The following ARHGAP44 variants were observed in gnomAD, a reference collection of about 807,000 sequenced individuals.
ARHGAP44 encodes the protein rho GTPase-activating protein 44.
A neutral mutation model predicts 106.8 loss-of-function variants in ARHGAP44; 43 were observed. The observed-to-expected ratio is 0.40, with a 90% confidence interval of 0.32 to 0.52. The LOEUF (loss-of-function observed/expected upper bound fraction) is 0.52, where lower values mean the gene tolerates loss of function less well. ARHGAP44 is among the 20% of genes least tolerant of loss of function. The probability of loss-of-function intolerance (pLI) is 0.48; values close to 1 mark genes in which losing one functional copy is unlikely to be tolerated. For synonymous variants in ARHGAP44, 439 were observed against 410.3 expected (o/e 1.07, Z -0.85); for missense variants, 866 against 1,050.5 (o/e 0.82, Z 2.43).
intron 1 of ARHGAP44, among the ~76,000 whole-genome samples, chr17:12,818,763 G>T (rs2034676050): frequency 6.6e-6 from 1 of 152,008 alleles, no homozygotes; most frequent in African/African-American, 2.4e-5. Flanking sequence ...AAACACTGTT[G>T]AAAGACATTT....
At chr17:12,972,695 T>C (rs1462627101) in intron 16 of ARHGAP44, among the ~76,000 whole-genome samples, 1 of 150,084 alleles carries the variant, frequency 6.7e-6, no homozygotes, top group African/African-American at 2.4e-5. Flanking sequence ...GGAGTCTCAC[T>C]CTGTCACCCA....
chr17:12,822,915 G>A (rs115593690), intron 1 of ARHGAP44, among the ~76,000 whole-genome samples: 469 of 152,282 alleles, frequency 3.1e-3, no homozygotes, highest in African/African-American at 0.01. Context: ...CCTAGGCAGA[G>A]CTCTCTCCTT....
chr17:12,965,968 C>T (rs1271861780), intron 16 of ARHGAP44, among the ~76,000 whole-genome samples: 1 of 151,986 alleles, frequency 6.6e-6, no homozygotes, highest in East Asian at 1.9e-4. Flanking sequence ...ATCTGAGCAA[C>T]CCAGTGAGAC....
intron 16 of ARHGAP44, among the ~76,000 whole-genome samples, chr17:12,961,623 A>C (rs2042475325): frequency 6.6e-6 from 1 of 152,096 alleles, no homozygotes; most frequent in African/African-American, 2.4e-5. Flanking sequence ...AATCCCAGCT[A>C]CTCGGAAGGC....
chr17:12,889,680 C>T (rs537919929), intron 1 of ARHGAP44, among the ~76,000 whole-genome samples: 2 of 152,172 alleles, frequency 1.3e-5, no homozygotes, highest in African/African-American at 4.8e-5. Flanking sequence ...AGAATCTTAA[C>T]TGGTTCCAAT....
At chr17:12,867,320 C>A (rs1040324483) in intron 1 of ARHGAP44, among the ~76,000 whole-genome samples, 2 of 152,070 alleles carry the variant, frequency 1.3e-5, no homozygotes, top group Non-Finnish European at 2.9e-5. Context: ...GAGCAGCCTT[C>A]CAAGCAAGCT....
At chr17:12,923,099 GCATTGTTTT>G (rs1368540723) in intron 6 of ARHGAP44, among the ~76,000 whole-genome samples, 1 of 152,102 alleles carries the variant, frequency 6.6e-6, no homozygotes, top group Non-Finnish European at 1.5e-5. Context: ...AGTCTTGTTT[GCATTGTTTT>G]CATATAAACT....
At chr17:12,828,976 C>G (rs2035008869) in intron 1 of ARHGAP44, among the ~76,000 whole-genome samples, 1 of 152,064 alleles carries the variant, frequency 6.6e-6, no homozygotes, top group South Asian at 2.1e-4. Flanking sequence ...ATATCACATT[C>G]ATAAAAATTG....
intron 12 of ARHGAP44, among the ~76,000 whole-genome samples, chr17:12,951,663 T>G (rs962664923): frequency 1.3e-5 from 2 of 152,136 alleles, no homozygotes; most frequent in African/African-American, 2.4e-5. Context: ...GTCAGTGTCT[T>G]TGAACCAGGG....
chr17:12,872,714 T>C (rs1017559448), intron 1 of ARHGAP44, among the ~76,000 whole-genome samples: 3 of 152,182 alleles, frequency 2.0e-5, no homozygotes, highest in African/African-American at 7.2e-5. Context: ...GACCTTTCAG[T>C]TTGAGGACTT....
chr17:12,874,210 A>T (rs2150887669), intron 1 of ARHGAP44, among the ~76,000 whole-genome samples: 1 of 152,352 alleles, frequency 6.6e-6, no homozygotes, highest in Non-Finnish European at 1.5e-5. Context: ...AATCATTTTT[A>T]TTAGGAAAGC....
intron 6 of ARHGAP44, among the ~76,000 whole-genome samples, chr17:12,927,889 C>T (rs2038292957): frequency 1.3e-5 from 2 of 152,226 alleles, no homozygotes; most frequent in Admixed American, 6.5e-5. Context: ...AATAGAGGAT[C>T]GTGCGGACTA....
At chr17:12,863,758 A>T (rs2036158664) in intron 1 of ARHGAP44, among the ~76,000 whole-genome samples, 1 of 152,226 alleles carries the variant, frequency 6.6e-6, no homozygotes, top group East Asian at 1.9e-4. Flanking sequence ...ATGCTCTCCA[A>T]CATACCACCT....
chr17:12,915,889 T>G lies in ARHGAP44; in HGVS notation c.276-11T>G, dbSNP rs2037895886. The G allele has an allele frequency of 6.2e-7, 1 of 1,611,612 alleles. No homozygotes were observed. The highest frequency in any genetic ancestry group is 8.5e-7 in the Non-Finnish European group (1 of 1,178,308). On this transcript the variant is annotated splice_polypyrimidine_tract_variant and intron_variant, in intron 4 of 20. Coordinates refer to ENST00000379672, the MANE Select transcript of ARHGAP44 (RefSeq NM_014859.6). ...AGAGTATTCACTATTTCTTTCCCCC[T>G]TGGATTACAGGAAGATGCTGAAACT...
intron 7 of ARHGAP44, among the ~76,000 whole-genome samples, chr17:12,938,030 G>A (rs968167311): frequency 5.9e-5 from 9 of 152,056 alleles, no homozygotes; most frequent in Non-Finnish European, 1.0e-4. Flanking sequence ...CCTGGAAGGC[G>A]GAGGTTGCAG....
At chr17:12,971,481 C>T (rs2039526094) in intron 16 of ARHGAP44, among the ~76,000 whole-genome samples, 1 of 152,150 alleles carries the variant, frequency 6.6e-6, no homozygotes, top group Non-Finnish European at 1.5e-5. Context: ...TCCTCACCAA[C>T]CATTGCAACT....
In ARHGAP44 at chr17:12,958,482, C is replaced by CT. The variant is rs113692195; in HGVS notation, c.1343-222dup. ...AAGTATCCGTTCCTGTTTTTACAAA[C>CT]TTTTTTTTTTTTTCACAAATTGACA... On this transcript the variant is annotated intron_variant, in intron 15 of 20. Coordinates refer to ENST00000379672, the MANE Select transcript of ARHGAP44 (RefSeq NM_014859.6). The surrounding 1 kb of genome is among the most constrained non-coding windows in gnomAD (Gnocchi z 4.1). Among the ~76,000 whole-genome samples the CT allele has an allele frequency of 2.5e-3, 366 of 146,162 alleles. 2 individuals are homozygous for CT. The South Asian group carries it at 0.028, about 11-fold the overall frequency.
At chr17:12,933,916 T>C (rs1346758132) in intron 7 of ARHGAP44, among the ~76,000 whole-genome samples, 1 of 151,136 alleles carries the variant, frequency 6.6e-6, no homozygotes. Context: ...TGGCACGATC[T>C]CGGCTCACTG....
chr17:12,791,299 A>G (rs2033748373), intron 1 of ARHGAP44, among the ~76,000 whole-genome samples: 1 of 152,218 alleles, frequency 6.6e-6, no homozygotes, highest in African/African-American at 2.4e-5. Flanking sequence ...ATTGCCACAG[A>G]TATAGCCTCA....
Sources: gnomAD v4.1 joint callset for allele counts (sites outside exome capture counted in the v4.1 genomes callset) on GRCh38, gnomAD v4.1.1 for gene constraint, Gnocchi (gnomAD v3.1) non-coding constraint, MANE v1.5 for transcripts, NCBI Gene and HGNC (gene_info 2026-07-23, HGNC 2026-07-21) for gene names.